SYCP1: variants seen among roughly 807,000 people sequenced by gnomAD.
The protein encoded by SYCP1 is cancer/testis antigen 8.
Under a neutral mutation model 153.1 loss-of-function variants are expected in SYCP1, and 64 were observed. The observed-to-expected ratio is 0.42, with a 90% CI of 0.34 to 0.51. The LOEUF (loss-of-function observed/expected upper bound fraction) is 0.51. Ranked by LOEUF, SYCP1 falls within the 20% of genes least tolerant of loss-of-function variation. The pLI is 0.06. For missense variants in SYCP1, 997 were observed against 1,049.0 expected (o/e 0.95, Z 0.68); for synonymous variants, 384 against 341.8 (o/e 1.12, Z -1.36).
chr1:114,873,323 T>G (rs1665287366), intron 8 of SYCP1, among the ~76,000 whole-genome samples: 1 of 152,162 alleles, frequency 6.6e-6, no homozygotes, highest in African/African-American at 2.4e-5. Flanking sequence ...AGGTCTCAGT[T>G]TTTTAGCAAA....
At chr1:114,872,877 A>G (rs1665250196) in intron 8 of SYCP1, among the ~76,000 whole-genome samples, 1 of 151,838 alleles carries the variant, frequency 6.6e-6, no homozygotes, top group African/African-American at 2.4e-5. Flanking sequence ...CTGGTCTCCA[A>G]CTCCTGGCCT....
chr1:114,891,306 A>G (rs1460067203), intron 15 of SYCP1, among the ~76,000 whole-genome samples: 1 of 152,166 alleles, frequency 6.6e-6, no homozygotes, highest in Non-Finnish European at 1.5e-5. Flanking sequence ...CAGTGCTATT[A>G]TAGTTACAAT....
intron 29 of SYCP1, among the ~76,000 whole-genome samples, chr1:114,983,726 T>G (rs1673318147): frequency 6.6e-6 from 1 of 151,976 alleles, no homozygotes; most frequent in Admixed American, 6.6e-5. Flanking sequence ...TTTATTTTAT[T>G]TTTTTAAAGA....
intron 16 of SYCP1, among the ~76,000 whole-genome samples, chr1:114,902,804 T>A (rs1667558060): frequency 2.1e-5 from 3 of 142,532 alleles, no homozygotes; most frequent in African/African-American, 9.2e-5. Context: ...ATCTATGAAA[T>A]GGAAAAAATA....
chr1:114,933,673 G>A (rs900827212), intron 23 of SYCP1, among the ~76,000 whole-genome samples: 3 of 149,008 alleles, frequency 2.0e-5, no homozygotes, highest in Non-Finnish European at 4.5e-5. Context: ...TTAGACAGAC[G>A]GCTAACTAGA....
At chr1:114,966,143 A>G (rs147671535) in intron 27 of SYCP1, among the ~76,000 whole-genome samples, 4,762 of 152,140 alleles carry the variant, frequency 0.031, 124 homozygotes, top group Non-Finnish European at 0.042. Flanking sequence ...AGGTGTTTAT[A>G]GTATTCTCTG....
chr1:114,970,391 C>T lies in SYCP1; in HGVS notation c.2323-7166C>T, dbSNP rs1268698607. Among the ~76,000 whole-genome samples the T allele has an allele frequency of 3.3e-5, 5 of 151,876 alleles. No homozygotes were observed. In the East Asian group the frequency reaches 9.7e-4, roughly 29 times the overall value. Reference sequence around the variant, plus strand: ...CCTCCTTGAGTAGCTTAATAATCGACCTTCTGAATTCTTTTTCTGGCAATT... The same window carrying T: ...CCTCCTTGAGTAGCTTAATAATCGATCTTCTGAATTCTTTTTCTGGCAATT... On this transcript the variant is annotated intron_variant, in intron 27 of 31. Coordinates refer to ENST00000369522, the MANE Select transcript of SYCP1 (RefSeq NM_003176.4).
chr1:114,949,711 C>T (rs1238231862), intron 27 of SYCP1, among the ~76,000 whole-genome samples: 1 of 152,186 alleles, frequency 6.6e-6, no homozygotes, highest in Non-Finnish European at 1.5e-5. Context: ...GCTTAAGCTG[C>T]TATACTATTC....
At chr1:114,882,522 T>A (rs1285459200) in intron 12 of SYCP1, among the ~76,000 whole-genome samples, 1 of 152,174 alleles carries the variant, frequency 6.6e-6, no homozygotes. Flanking sequence ...GTCTTTTCTT[T>A]AAATATACAA....
At chr1:114,854,488 C>A (rs536894223), upstream of SYCP1, among the ~76,000 whole-genome samples, 2 of 152,204 alleles carry the variant, frequency 1.3e-5, no homozygotes, top group Non-Finnish European at 2.9e-5. Context: ...AGAACTATAC[C>A]ACATCTGTGG....
At chr1:114,902,174 G>C (rs1443674641) in intron 16 of SYCP1, among the ~76,000 whole-genome samples, 1 of 152,196 alleles carries the variant, frequency 6.6e-6, no homozygotes, top group Non-Finnish European at 1.5e-5. Flanking sequence ...GAAAGGCTGG[G>C]TTGGACTGAG....
At chr1:114,899,008 G>A (rs894690276) in intron 16 of SYCP1, among the ~76,000 whole-genome samples, 2 of 152,140 alleles carry the variant, frequency 1.3e-5, no homozygotes, top group African/African-American at 4.8e-5. Context: ...ACGGTGTGAG[G>A]CCAGTTTTTT....
At chr1:114,885,800 AT>A (rs1313358709) in intron 13 of SYCP1, among the ~76,000 whole-genome samples, 171 bp downstream of exon 13, 2 of 152,298 alleles carry the variant, frequency 1.3e-5, no homozygotes, top group Non-Finnish European at 2.9e-5. Context: ...ATAAAAACAC[AT>A]CAAAAGTATA....
chr1:114,992,717 G>A (rs1416880511), intron 30 of SYCP1, among the ~76,000 whole-genome samples: 1 of 151,484 alleles, frequency 6.6e-6, no homozygotes, highest in African/African-American at 2.4e-5. Context: ...TCATGACACT[G>A]GATTTGGCAG....
chr1:114,893,912 G>GGTA (rs1479148388), intron 15 of SYCP1, among the ~76,000 whole-genome samples: 1 of 151,178 alleles, frequency 6.6e-6, no homozygotes, highest in African/African-American at 2.4e-5. Flanking sequence ...TGTGGTGAGA[G>GGTA]GTATGGTCAC....
intron 23 of SYCP1, among the ~76,000 whole-genome samples, chr1:114,940,233 G>T (rs902540103): frequency 3.3e-5 from 5 of 152,174 alleles, no homozygotes; most frequent in Middle Eastern, 6.8e-3. Flanking sequence ...GAGTAGTTGG[G>T]ATTACAGGCG....
At position 114,911,503 on chromosome 1, in the gene SYCP1, C is replaced by G. The variant is rs1668176367; in HGVS notation, c.1450C>G (p.Gln484Glu). The G allele has an allele frequency of 2.6e-6, 4 of 1,555,772 alleles. No individual in the cohort carries two copies. The East Asian group carries it at 9.9e-5, about 39-fold the overall frequency. Residue 484 changes from glutamine (Q) to glutamate (E), a missense_variant, in exon 18 of 32, where the codon CAG becomes GAG. By Grantham distance (29) the Gln-to-Glu change is conservative (BLOSUM62 2). Transcript: ENST00000369522. ...REKEVHDLEI[Q>E]LTAITTSEQY... Reference sequence around the variant, plus strand: ...GAAAGAAGTACATGATTTGGAAATACAGTTAACTGCCATTACCACAAGTGA... The same window carrying G: ...GAAAGAAGTACATGATTTGGAAATAGAGTTAACTGCCATTACCACAAGTGA...
chr1:114,991,192 C>T (rs1673896889), intron 30 of SYCP1, among the ~76,000 whole-genome samples: 1 of 151,870 alleles, frequency 6.6e-6, no homozygotes, highest in East Asian at 1.9e-4. Flanking sequence ...TTGGTAAAAA[C>T]TTCTCAGAAT....
chr1:114,954,877 C>T (rs1282833825), intron 27 of SYCP1, among the ~76,000 whole-genome samples: 3 of 152,174 alleles, frequency 2.0e-5, no homozygotes, highest in Admixed American at 1.3e-4. Flanking sequence ...CCGCGCCTGG[C>T]CTTTATTTCT....
Sources: allele counts gnomAD v4.1 joint callset (sites outside exome capture counted in the v4.1 genomes callset), GRCh38; gene constraint gnomAD v4.1.1; transcripts MANE v1.5; gene names NCBI Gene and HGNC (gene_info 2026-07-23, HGNC 2026-07-21).